The following HGSNAT variants were observed in gnomAD, a reference collection of about 807,000 sequenced individuals.
HGSNAT encodes the protein transmembrane protein 76.
A neutral mutation model predicts 85.2 loss-of-function variants in HGSNAT; 59 were observed. The observed-to-expected ratio is 0.69, with a 90% CI of 0.56 to 0.86. HGSNAT has a LOEUF of 0.86. HGSNAT is among the 40% of genes least tolerant of loss of function. The pLI is 0.00. For missense variants in HGSNAT, 756 were observed against 777.1 expected (o/e 0.97, Z 0.32); for synonymous variants, 321 against 304.5 (o/e 1.05, Z -0.56).
intron 9 of HGSNAT, among the ~76,000 whole-genome samples, chr8:43,176,666 T>C (rs1365071520): frequency 6.6e-6 from 1 of 152,204 alleles, no homozygotes; most frequent in Non-Finnish European, 1.5e-5. Context: ...TATTAATTTT[T>C]CTAATGTATG....
At chr8:43,191,829 A>G (rs1804540532) in intron 12 of HGSNAT, among the ~76,000 whole-genome samples, 1 of 152,090 alleles carries the variant, frequency 6.6e-6, no homozygotes, top group Non-Finnish European at 1.5e-5. Flanking sequence ...GTGTGGGAGC[A>G]GTTTGTCAGT....
intron 2 of HGSNAT, among the ~76,000 whole-genome samples, chr8:43,153,011 A>G (rs1160608425): frequency 6.6e-6 from 1 of 152,070 alleles, no homozygotes; most frequent in Non-Finnish European, 1.5e-5. Context: ...TGTTAAGCTG[A>G]TTTAATATTG....
chr8:43,171,048 C>T (rs1407213484), intron 7 of HGSNAT, among the ~76,000 whole-genome samples: 3 of 152,130 alleles, frequency 2.0e-5, no homozygotes, highest in Non-Finnish European at 4.4e-5. Flanking sequence ...ATGCACTAGT[C>T]TAGCAAGGAA....
Position 43,191,525 on chromosome 8 carries a change from C to A in HGSNAT, c.1180C>A (p.Leu394Met), listed in dbSNP as rs1335612982. 6.2e-7 allele frequency: 1 copy of A among 1,614,014 alleles called. No homozygotes were observed. Among genetic ancestry groups the A allele is most frequent in the Admixed American group, 1.7e-5 (1 of 60,026 alleles). Residue 394 changes from leucine to methionine, a missense_variant, in exon 12 of 18, where the codon CTG (leucine) becomes ATG (methionine). By Grantham distance (15) the Leu-to-Met change is conservative. Transcript: ENST00000379644. ...RDITSSWPQW[L>M]LILVLEGLWL... is the part of the protein sequence containing the mutation. The stretch of plus-strand genomic sequence containing the variant: ...CATCACGTCCAGCTGGCCCCAGTGG[C>A]TGCTCATCCTGGTGCTGGAAGGCCT...
At position 43,140,623 on chromosome 8, in the gene HGSNAT, A is replaced by G; in HGVS notation, c.118+9A>G. ...GGCCGCGCCGCCACGAGGTGAGTGCACACCTCCTACCGCCGCCCGGCCGGC... is the reference window on the plus strand; with the variant it reads ...GGCCGCGCCGCCACGAGGTGAGTGCGCACCTCCTACCGCCGCCCGGCCGGC... On this transcript the variant is annotated intron_variant, in intron 1 of 17. Coordinates refer to ENST00000379644, the MANE Select transcript of HGSNAT (RefSeq NM_152419.3). 1.7e-6 allele frequency: 2 copies of G among 1,199,700 alleles called. No homozygotes were observed. The highest frequency in any genetic ancestry group is 2.1e-6 in the Non-Finnish European group (2 of 946,844). 74.3% of individuals were successfully genotyped at this position (1,199,700 alleles called of 1,614,324 possible). A position where few individuals can be genotyped will look rare whatever the true frequency, so the allele number is the denominator to read the frequency against.
intron 2 of HGSNAT, among the ~76,000 whole-genome samples, chr8:43,149,581 T>C (rs1802830436): frequency 6.6e-6 from 1 of 151,276 alleles, no homozygotes; most frequent in East Asian, 2.0e-4. Context: ...GCGCCTGTAG[T>C]CCCAGCTACT....
chr8:43,196,736 C>A (rs1804739930), intron 14 of HGSNAT: 2 of 592,724 alleles, frequency 3.4e-6, no homozygotes, highest in Non-Finnish European at 6.0e-6. Flanking sequence ...TCCTCCTCCC[C>A]AGAGAGGGCG....
At position 43,201,049 on chromosome 8, in the gene HGSNAT, C is replaced by T. The variant is rs1262126928; in HGVS notation, c.*1480C>T. The T allele has an allele frequency of 6.6e-6, 1 of 152,412 alleles. No individual in the cohort carries two copies. Among genetic ancestry groups the T allele is most frequent in the African/African-American group, 2.4e-5 (1 of 41,452 alleles). The allele number at this position is 152,412 out of a possible 1,614,324, so 9.4% of individuals were successfully genotyped here. A position where few individuals can be genotyped will look rare whatever the true frequency, so the allele number is the denominator to read the frequency against. On this transcript the variant is annotated 3_prime_UTR_variant, in exon 18 of 18. Transcript: ENST00000379644. The surrounding 1 kb of genome is among the most constrained non-coding windows in gnomAD (Gnocchi z 4.4). Reference sequence around the variant, plus strand: ...GTATAAACCTGACATCATCTTTCCACCCGGCTTACCTCCACCAGATCTCCC... The same window carrying T: ...GTATAAACCTGACATCATCTTTCCATCCGGCTTACCTCCACCAGATCTCCC...
At chr8:43,165,125 T>C (rs1267863337) in intron 5 of HGSNAT, among the ~76,000 whole-genome samples, 1 of 149,466 alleles carries the variant, frequency 6.7e-6, no homozygotes, top group Non-Finnish European at 1.5e-5. Flanking sequence ...GTAATTCTGT[T>C]GGCACCATTT....
Position 43,197,046 on chromosome 8 carries a change from G to A in HGSNAT, c.1542+21G>A, listed in dbSNP as rs374281896. 50 of 1,532,028 alleles carry A rather than the reference G, an allele frequency of 3.3e-5. No individual in the cohort carries two copies. In the Middle Eastern group the frequency reaches 5.0e-4, roughly 15 times the overall value. 94.9% of individuals were successfully genotyped at this position (1,532,028 alleles called of 1,614,324 possible). The stretch of plus-strand genomic sequence containing the variant: ...TTCTTGTAAGTAAGCAGCATTCCTC[G>A]CTAAAATTCCTTTCCTTCACATGTA... On this transcript the variant is annotated intron_variant, in intron 15 of 17. Coordinates refer to ENST00000379644, the MANE Select transcript of HGSNAT (RefSeq NM_152419.3).
intron 5 of HGSNAT, among the ~76,000 whole-genome samples, chr8:43,167,644 T>A (rs1231219373): frequency 6.6e-6 from 1 of 152,178 alleles, no homozygotes; most frequent in African/African-American, 2.4e-5. Context: ...TATTGTGATA[T>A]TGGCCTTATT....
intron 14 of HGSNAT, chr8:43,196,654 C>A: frequency 1.4e-6 from 1 of 703,116 alleles, no homozygotes; most frequent in Non-Finnish European, 2.3e-6. Context: ...CCCCATTCTG[C>A]TCAGGAGCCT....
At chr8:43,160,235 A>G (rs913432781) in intron 4 of HGSNAT, among the ~76,000 whole-genome samples, 10 of 152,250 alleles carry the variant, frequency 6.6e-5, no homozygotes, top group Non-Finnish European at 1.5e-4. Flanking sequence ...ATTCAGGGTA[A>G]CCAAAGATAG....
At chr8:43,180,102 A>C (rs1342829901) in intron 10 of HGSNAT, among the ~76,000 whole-genome samples, 6 of 10,774 alleles carry the variant, frequency 5.6e-4, no homozygotes, top group Admixed American at 6.0e-4. Context: ...CGGCTGGCCG[A>C]CCCCCCCCCC....
intron 5 of HGSNAT, among the ~76,000 whole-genome samples, chr8:43,168,918 C>T (rs1449157330): frequency 1.3e-5 from 2 of 152,162 alleles, no homozygotes; most frequent in Non-Finnish European, 1.5e-5. Flanking sequence ...CATTTACCTT[C>T]TGAAGTCTTT....
intron 6 of HGSNAT, 34 bp from the exon 7 acceptor site, chr8:43,170,551 A>G: frequency 7.0e-7 from 1 of 1,425,470 alleles, no homozygotes; most frequent in Non-Finnish European, 9.8e-7. Context: ...CCTTAGCATT[A>G]TGAGTTGTCA....
chr8:43,168,614 C>T (rs537247072), intron 5 of HGSNAT, among the ~76,000 whole-genome samples: 1 of 151,894 alleles, frequency 6.6e-6, no homozygotes, highest in South Asian at 2.1e-4. Context: ...CCAGGCTGGT[C>T]TCGAACTCCT....
At chr8:43,171,142 A>G (rs1803613416) in intron 7 of HGSNAT, among the ~76,000 whole-genome samples, 1 of 152,222 alleles carries the variant, frequency 6.6e-6, no homozygotes, top group African/African-American at 2.4e-5. Context: ...TAGCAAACCC[A>G]TAGCCCTGGT....
At chr8:43,165,615 T>C (rs2130733171) in intron 5 of HGSNAT, among the ~76,000 whole-genome samples, 1 of 152,266 alleles carries the variant, frequency 6.6e-6, no homozygotes, top group East Asian at 1.9e-4. Context: ...AATTAAATGT[T>C]CTACTCCAGG....
Sources: allele counts gnomAD v4.1 joint callset (sites outside exome capture counted in the v4.1 genomes callset), GRCh38; gene constraint gnomAD v4.1.1; non-coding constraint Gnocchi (gnomAD v3.1); transcripts MANE v1.5; gene names NCBI Gene and HGNC (gene_info 2026-07-23, HGNC 2026-07-21).